The following MECOM variants were observed in gnomAD, a reference collection of about 807,000 sequenced individuals.
MECOM encodes MDS1 and EVI1 complex locus, also known as histone-lysine N-methyltransferase MECOM.
A neutral mutation model predicts 116.3 loss-of-function variants in MECOM; 13 were observed. The observed-to-expected ratio is 0.11, with a 90% confidence interval of 0.07 to 0.18. MECOM has a LOEUF of 0.18. Among genes scored for constraint, MECOM ranks in the 10% least tolerant of loss-of-function variants. The pLI, the probability that MECOM is intolerant of heterozygous loss-of-function variation, is 1.00. For synonymous variants in MECOM, 528 were observed against 535.2 expected, an observed-to-expected ratio of 0.99 and a Z score of 0.19; for missense variants, 1,299 against 1,509.0, an observed-to-expected ratio of 0.86 and a Z score of 2.31.
rs780858473 is a variant in MECOM, at chr3:169,115,910, C to T, written c.1962G>A (p.Val654=). ...FSPSLEEQTA[V]SGAVNDSIKA... ...TTATAGAATCATTCACAGCTCCTGA[C>T]ACCGCAGTCTGCTCCTCTAAAGATG... Residue 654 remains valine (V), a synonymous_variant, in exon 8 of 17, where the codon GTG becomes GTA. Coordinates refer to ENST00000651503, the MANE Select transcript of MECOM (RefSeq NM_004991.4). The T allele has an allele frequency of 4.3e-6, 7 of 1,613,990 alleles. No individual in the cohort carries two copies. The highest frequency in any genetic ancestry group is 3.4e-6 in the Non-Finnish European group (4 of 1,180,050).
In MECOM at chr3:169,491,501, G is replaced by T. The variant is rs76480161; in HGVS notation, c.38-109977C>A. On this transcript the variant is annotated intron_variant, in intron 1 of 16. Coordinates refer to ENST00000651503, the MANE Select transcript of MECOM (RefSeq NM_004991.4). ...AAGGCACTATAAAACAGAAAAATAA[G>T]AATAATAATCTCACAATAATCAAAC... 0.014 allele frequency among the ~76,000 whole-genome samples: 2,194 copies of T among 152,184 alleles called. 167 individuals are homozygous for T. The East Asian group carries it at 0.24, about 17-fold the overall frequency.
chr3:169,189,376 G>T (rs980734578), intron 2 of MECOM, among the ~76,000 whole-genome samples: 2 of 151,922 alleles, frequency 1.3e-5, no homozygotes, highest in African/African-American at 4.8e-5. Context: ...TTCACCTTCA[G>T]TTAAGGCTCC....
At chr3:169,166,654 A>G (rs1743640767) in intron 2 of MECOM, among the ~76,000 whole-genome samples, 1 of 152,200 alleles carries the variant, frequency 6.6e-6, no homozygotes. Flanking sequence ...GTTAAATTGC[A>G]TCTTACATTT....
chr3:169,106,857 C>T (rs575641717), intron 10 of MECOM, among the ~76,000 whole-genome samples: 1 of 152,174 alleles, frequency 6.6e-6, no homozygotes, highest in African/African-American at 2.4e-5. Flanking sequence ...AGAAAACAAC[C>T]CCATCTATTG....
intron 2 of MECOM, among the ~76,000 whole-genome samples, chr3:169,334,024 TC>T (rs1359174467): frequency 6.6e-6 from 1 of 152,090 alleles, no homozygotes; most frequent in African/African-American, 2.4e-5. Flanking sequence ...GTGTTTTCTT[TC>T]TTTTAATAAC....
intron 1 of MECOM, among the ~76,000 whole-genome samples, chr3:169,614,581 T>G (rs1056072341): frequency 6.6e-6 from 1 of 152,216 alleles, no homozygotes; most frequent in Non-Finnish European, 1.5e-5. Context: ...CTGCTTGATT[T>G]CCACGGTTCA....
At chr3:169,478,269 A>C (rs1750778307) in intron 1 of MECOM, among the ~76,000 whole-genome samples, 1 of 152,168 alleles carries the variant, frequency 6.6e-6, no homozygotes. Context: ...GAAAAGTATT[A>C]ATATTGACAA....
At chr3:169,200,370 AAT>A (rs1412336857) in intron 2 of MECOM, among the ~76,000 whole-genome samples, 1 of 152,076 alleles carries the variant, frequency 6.6e-6, no homozygotes, top group Non-Finnish European at 1.5e-5. Context: ...TGTAATTTCA[AAT>A]TATATGATAG....
At chr3:169,521,144 G>T (rs373863659) in intron 1 of MECOM, among the ~76,000 whole-genome samples, 169 of 152,302 alleles carry the variant, frequency 1.1e-3, no homozygotes, top group African/African-American at 3.8e-3. Flanking sequence ...CACTGTGGCA[G>T]AACAGCTTGG....
At chr3:169,235,315 T>C (rs778768622) in intron 2 of MECOM, among the ~76,000 whole-genome samples, 2 of 152,168 alleles carry the variant, frequency 1.3e-5, no homozygotes, top group African/African-American at 2.4e-5. Flanking sequence ...CATTTTTTTT[T>C]AGTTTGTCAT....
intron 1 of MECOM, among the ~76,000 whole-genome samples, chr3:169,641,484 G>A (rs543093836): frequency 3.3e-5 from 5 of 152,260 alleles, no homozygotes; most frequent in Admixed American, 2.0e-4. Context: ...GTTTCACTAC[G>A]TATCTGTGGC....
intron 1 of MECOM, among the ~76,000 whole-genome samples, chr3:169,396,701 T>C (rs1232468420): frequency 6.6e-6 from 1 of 152,228 alleles, no homozygotes; most frequent in African/African-American, 2.4e-5. Context: ...CAAGGCATGG[T>C]GGCTCACGCC....
intron 1 of MECOM, among the ~76,000 whole-genome samples, chr3:169,503,064 C>T (rs11925928): frequency 0.16 from 24,595 of 152,122 alleles, 2,142 homozygotes; most frequent in East Asian, 0.33. Context: ...TGGCATGTAT[C>T]ATACGATAGT....
intron 1 of MECOM, among the ~76,000 whole-genome samples, chr3:169,584,437 C>G (rs1000397494): frequency 6.6e-6 from 1 of 151,220 alleles, no homozygotes; most frequent in Non-Finnish European, 1.5e-5. Context: ...TGGTGGCGAG[C>G]GCCTGTAGTC....
Position 169,146,492 on chromosome 3 carries a change from C to T in MECOM, c.376-2660G>A. ...AGAAACCCACCGAAGGCCGGACGAC[C>T]CACCCCGGAGACGTGTCCAGACCGC... On this transcript the variant is annotated intron_variant, in intron 2 of 16. Coordinates refer to ENST00000651503, the MANE Select transcript of MECOM (RefSeq NM_004991.4). 3 of 1,381,698 alleles carry T rather than the reference C, an allele frequency of 2.2e-6. No homozygotes were observed. The highest frequency in any genetic ancestry group is 1.5e-5 in the African/African-American group (1 of 68,868). 85.6% of individuals were successfully genotyped at this position (1,381,698 alleles called of 1,614,324 possible).
intron 2 of MECOM, among the ~76,000 whole-genome samples, chr3:169,378,527 A>C (rs1426694671): frequency 6.4e-5 from 3 of 47,234 alleles, no homozygotes; most frequent in Non-Finnish European, 1.3e-4. Flanking sequence ...AGAAAGAAAG[A>C]AAGAAAGAAA....
intron 1 of MECOM, among the ~76,000 whole-genome samples, chr3:169,528,726 G>A (rs971621660): frequency 1.3e-5 from 2 of 152,184 alleles, no homozygotes; most frequent in African/African-American, 4.8e-5. Context: ...TTATTAAAAA[G>A]TTAGATTTAT....
intron 2 of MECOM, among the ~76,000 whole-genome samples, chr3:169,205,129 C>G (rs185917515): frequency 1.3e-5 from 2 of 152,122 alleles, no homozygotes; most frequent in Admixed American, 6.6e-5. Flanking sequence ...TCTTTCAGAC[C>G]TAATATCACA....
chr3:169,161,374 T>C (rs1466324839), intron 2 of MECOM, among the ~76,000 whole-genome samples: 1 of 152,170 alleles, frequency 6.6e-6, no homozygotes, highest in Non-Finnish European at 1.5e-5. Flanking sequence ...ATTCTTACCT[T>C]GACACTGCCA....
Sources: gnomAD v4.1 joint callset for allele counts (sites outside exome capture counted in the v4.1 genomes callset) on GRCh38, gnomAD v4.1.1 for gene constraint, MANE v1.5 for transcripts, NCBI Gene and HGNC (gene_info 2026-07-23, HGNC 2026-07-21) for gene names.